CCDC122: variants seen among roughly 807,000 people sequenced by gnomAD.
CCDC122 encodes the protein coiled-coil domain containing 122.
CCDC122 carries 38 observed loss-of-function variants against 37.0 expected under a neutral mutation model. That is an observed-to-expected ratio of 1.03 (90% CI 0.79 to 1.35). CCDC122 has a LOEUF of 1.35. Ranked by LOEUF, CCDC122 falls within the 40% of genes most tolerant of loss-of-function variation. The pLI, the probability that CCDC122 is intolerant of heterozygous loss-of-function variation, is 0.00. For synonymous variants in CCDC122, 83 were observed against 95.6 expected, an observed-to-expected ratio of 0.87 and a Z score of 0.77; for missense variants, 305 against 310.0, an observed-to-expected ratio of 0.98 and a Z score of 0.12.
chr13:43,825,582 C>T (rs1259940850), intron 3 of CCDC122, among the ~76,000 whole-genome samples: 2 of 152,096 alleles, frequency 1.3e-5, no homozygotes, highest in Non-Finnish European at 2.9e-5. Flanking sequence ...CCAGCCTGGC[C>T]AACATGGCAA....
At chr13:43,872,071 A>G (rs936304583) in intron 2 of CCDC122, among the ~76,000 whole-genome samples, 1 of 151,972 alleles carries the variant, frequency 6.6e-6, no homozygotes, top group Admixed American at 6.6e-5. Flanking sequence ...CCAGCAACCC[A>G]TAGAGTATAA....
In CCDC122 at chr13:43,859,502, T is replaced by C. The variant is rs570962703; in HGVS notation, c.555+170A>G. 1.2e-3 allele frequency among the ~76,000 whole-genome samples: 184 copies of C among 152,250 alleles called. 3 individuals carry two copies. Among genetic ancestry groups the C allele is most frequent in the Middle Eastern group, 6.8e-3 (2 of 294 alleles). On this transcript the variant is annotated intron_variant, in intron 5 of 6. Coordinates refer to ENST00000444614, the MANE Select transcript of CCDC122 (RefSeq NM_144974.5). ...ATTTGAGCATCTAGGGTCGTTGTTA[T>C]ATAACACATGTACTTATTCCAAGTT...
At chr13:43,868,904 T>A in intron 3 of CCDC122, 101 bp from the exon 4 acceptor site, 1 of 589,096 alleles carries the variant, frequency 1.7e-6, no homozygotes, top group Non-Finnish European at 2.7e-6. Flanking sequence ...TATTTGATAC[T>A]TTTTCCTTCT....
intron 6 of CCDC122, among the ~76,000 whole-genome samples, chr13:43,850,373 T>C (rs1238563824): frequency 1.3e-5 from 2 of 152,136 alleles, no homozygotes; most frequent in African/African-American, 4.8e-5. Context: ...GTTAAAATTA[T>C]CTGACAAGCA....
chr13:43,825,935 A>AAATAAAC (rs953506314), intron 3 of CCDC122, among the ~76,000 whole-genome samples: 7 of 152,146 alleles, frequency 4.6e-5, no homozygotes, highest in African/African-American at 1.7e-4. Context: ...TCTAAAATGA[A>AAATAAAC]AATAAACATT....
At chr13:43,846,124 G>C (rs9533654) in intron 6 of CCDC122, among the ~76,000 whole-genome samples, 8,759 of 151,920 alleles carry the variant, frequency 0.058, 358 homozygotes, top group Non-Finnish European at 0.089. Flanking sequence ...GCCCAGGCTG[G>C]AGTGCAACGG....
intron 3 of CCDC122, among the ~76,000 whole-genome samples, chr13:43,828,540 T>C (rs1953059921): frequency 7.1e-6 from 1 of 141,194 alleles, no homozygotes; most frequent in Non-Finnish European, 1.5e-5. Flanking sequence ...TATTTGAGCC[T>C]ATTTTATAGA....
intron 2 of CCDC122, among the ~76,000 whole-genome samples, chr13:43,874,486 T>C (rs1301445453): frequency 2.0e-5 from 3 of 152,144 alleles, no homozygotes; most frequent in African/African-American, 7.2e-5. Context: ...ACCTAAAGAA[T>C]AAAGAAAATT....
intron 3 of CCDC122, among the ~76,000 whole-genome samples, chr13:43,830,794 G>A (rs1419989705): frequency 4.6e-5 from 7 of 152,206 alleles, no homozygotes; most frequent in Non-Finnish European, 8.8e-5. Flanking sequence ...ACTGGACTAA[G>A]CTTTGGAGTT....
chr13:43,878,435 T>C (rs1954729734), intron 1 of CCDC122, among the ~76,000 whole-genome samples: 2 of 152,220 alleles, frequency 1.3e-5, no homozygotes, highest in African/African-American at 4.8e-5. Context: ...GTTTCCATTC[T>C]GGGTTAGTGC....
At position 43,859,811 on chromosome 13, in the gene CCDC122, A is replaced by C; in HGVS notation, c.416T>G (p.Leu139Trp). The C allele has an allele frequency of 6.2e-7, 1 of 1,609,818 alleles. No homozygotes were observed. The highest frequency in any genetic ancestry group is 8.5e-7 in the Non-Finnish European group (1 of 1,178,604). Residue 139 changes from leucine to tryptophan, a missense_variant, in exon 5 of 7, where the codon TTG becomes TGG. By Grantham distance (61) the Leu-to-Trp change is moderately conservative. Coordinates refer to ENST00000444614, the MANE Select transcript of CCDC122 (RefSeq NM_144974.5). ...TGACCATTTGCTCTCTACTTCCCCC[A>C]AACTATTTTTATGTGCTTTTATTTT... is the stretch of plus-strand genomic sequence containing the variant. ...YAKIKAHKNSLGEVESKWSFM... is the reference protein window; with the variant it reads ...YAKIKAHKNSWGEVESKWSFM...
chr13:43,824,549 G>A (rs1953021751), intron 3 of CCDC122, among the ~76,000 whole-genome samples: 2 of 152,280 alleles, frequency 1.3e-5, no homozygotes, highest in East Asian at 1.9e-4. Context: ...AACAAAAATT[G>A]ATAATTTGGC....
chr13:43,826,671 A>G (rs1953044125), intron 3 of CCDC122, among the ~76,000 whole-genome samples: 1 of 152,188 alleles, frequency 6.6e-6, no homozygotes. Context: ...AGGATATTGT[A>G]ACTTTAGAGA....
rs115460922 is a variant in CCDC122 at position 43,860,499 on chromosome 13, A to G, written c.157-429T>C. Among the ~76,000 whole-genome samples, 340 of 152,260 alleles carry G rather than the reference A, an allele frequency of 2.2e-3. 2 individuals are homozygous for G. The highest frequency in any genetic ancestry group is 7.6e-3 in the African/African-American group (317 of 41,526). ...TACTTCGTATGATCATGCATAACAA[A>G]CTTAATTACCCCATTCAAACTACAC... On this transcript the variant is annotated intron_variant, in intron 4 of 6. Transcript: ENST00000444614.
chr13:43,834,197 A>G (rs572394666), downstream of CCDC122, among the ~76,000 whole-genome samples: 1 of 152,342 alleles, frequency 6.6e-6, no homozygotes, highest in African/African-American at 2.4e-5. Context: ...TGGCAAAAAC[A>G]AGAAATGAGG....
chr13:43,823,094 G>A (rs1433678567), downstream of CCDC122, among the ~76,000 whole-genome samples: 1 of 152,092 alleles, frequency 6.6e-6, no homozygotes, highest in Admixed American at 6.5e-5. Context: ...AAGGCCCATG[G>A]TGTACTACCT....
intron 3 of CCDC122, among the ~76,000 whole-genome samples, chr13:43,829,048 A>C (rs1953064697): frequency 6.6e-6 from 1 of 152,166 alleles, no homozygotes; most frequent in African/African-American, 2.4e-5. Context: ...CTTATATTTT[A>C]AGTTTTGATA....
At chr13:43,839,347 G>A (rs1299686318) in intron 6 of CCDC122, among the ~76,000 whole-genome samples, 1 of 152,118 alleles carries the variant, frequency 6.6e-6, no homozygotes, top group Non-Finnish European at 1.5e-5. Context: ...TGTACAATAG[G>A]TGGTCTTTTG....
chr13:43,859,994 T>G lies in CCDC122; in HGVS notation c.233A>C (p.Gln78Pro), dbSNP rs1301872218. Residue 78 changes from glutamine (Q) to proline (P), a missense_variant, in exon 5 of 7, where the codon CAA (glutamine) becomes CCA (proline). Gln to Pro is a moderately conservative substitution (Grantham distance 76). Transcript: ENST00000444614. Reference sequence around the variant, plus strand: ...GGTATTCTCTATGGCAGAATCTTGTTGATAAATTTGTCTTTCTGTTTCTTT... The same window carrying G: ...GGTATTCTCTATGGCAGAATCTTGTGGATAAATTTGTCTTTCTGTTTCTTT... The part of the protein sequence containing the change: ...ETKETERQIY[Q>P]QDSAIENTKL... 6.3e-7 allele frequency: 1 copy of G among 1,589,486 alleles called. No homozygotes were observed. The highest frequency in any genetic ancestry group is 2.3e-5 in the East Asian group (1 of 44,076).
Sources: gnomAD v4.1 joint callset for allele counts (sites outside exome capture counted in the v4.1 genomes callset) on GRCh38, gnomAD v4.1.1 for gene constraint, MANE v1.5 for transcripts, NCBI Gene and HGNC (gene_info 2026-07-23, HGNC 2026-07-21) for gene names.